Variants in RBM19 observed in about 807,000 individuals in gnomAD.
RBM19 encodes probable RNA-binding protein 19.
In RBM19, 94 loss-of-function variants were observed where a neutral mutation model predicts 116.8. That is an observed-to-expected ratio of 0.80 (90% CI 0.68 to 0.95). The LOEUF (loss-of-function observed/expected upper bound fraction) is 0.95, where lower values mean the gene tolerates loss of function less well. Ranked by LOEUF, RBM19 falls within the 40% of genes least tolerant of loss-of-function variation. The probability of loss-of-function intolerance (pLI) is 0.00; values close to 1 mark genes in which losing one functional copy is unlikely to be tolerated. For synonymous variants in RBM19, 475 were observed against 494.1 expected (o/e 0.96, Z 0.51); for missense variants, 1,161 against 1,220.7 (o/e 0.95, Z 0.73).
At chr12:113,923,689 C>T (rs530312255) in intron 18 of RBM19, among the ~76,000 whole-genome samples, 4 of 152,214 alleles carry the variant, frequency 2.6e-5, no homozygotes, top group African/African-American at 7.2e-5. Flanking sequence ...ACCTTGTTCC[C>T]GCCGCCTGGC....
chr12:113,827,037 GACACCCCGC>G (rs1177208051), intron 23 of RBM19, among the ~76,000 whole-genome samples: 1 of 152,180 alleles, frequency 6.6e-6, no homozygotes, highest in Non-Finnish European at 1.5e-5. Flanking sequence ...CCCACCGAAT[GACACCCCGC>G]ACCTCCCGCT....
intron 21 of RBM19, among the ~76,000 whole-genome samples, chr12:113,902,834 T>C (rs1472143697): frequency 6.6e-6 from 1 of 152,178 alleles, no homozygotes; most frequent in Non-Finnish European, 1.5e-5. Flanking sequence ...TTTGGCTATT[T>C]ATGCATAAAG....
chr12:113,828,010 T>C (rs929063329), intron 23 of RBM19, among the ~76,000 whole-genome samples: 3 of 151,754 alleles, frequency 2.0e-5, no homozygotes, highest in African/African-American at 7.3e-5. Flanking sequence ...CTTACTGCTG[T>C]TGATGGAATC....
intron 2 of RBM19, among the ~76,000 whole-genome samples, chr12:113,960,826 T>C (rs1170710538): frequency 6.6e-6 from 1 of 152,176 alleles, no homozygotes; most frequent in East Asian, 1.9e-4. Context: ...GGGTGACCAC[T>C]GGAGGGACGG....
At chr12:113,864,114 T>G (rs755882137) in intron 21 of RBM19, among the ~76,000 whole-genome samples, 68 of 152,282 alleles carry the variant, frequency 4.5e-4, no homozygotes, top group Non-Finnish European at 9.4e-4. Context: ...GCGAAGTGAC[T>G]TGCCCAAGGT....
At chr12:113,942,485 G>A in intron 13 of RBM19, 51 bp from the exon 14 acceptor site, 1 of 1,459,684 alleles carries the variant, frequency 6.9e-7, no homozygotes, top group Non-Finnish European at 9.3e-7. Flanking sequence ...CAGGTGACTT[G>A]CTGGCCCTCC....
chr12:113,883,313 G>T (rs1439295886), intron 21 of RBM19, among the ~76,000 whole-genome samples: 4 of 152,252 alleles, frequency 2.6e-5, no homozygotes, highest in Non-Finnish European at 5.9e-5. Flanking sequence ...AAGAAAGCAA[G>T]AAAGCAAGAG....
chr12:113,821,554 G>T (rs1050123527), downstream of RBM19, among the ~76,000 whole-genome samples: 41 of 152,152 alleles, frequency 2.7e-4, no homozygotes, highest in Non-Finnish European at 5.6e-4. Flanking sequence ...GTTTAACAGA[G>T]ACACTGTTCA....
rs374650090 is a variant in RBM19, at chr12:113,958,078, C to T, written c.572-28G>A. On this transcript the variant is annotated intron_variant, in intron 5 of 23. Coordinates refer to ENST00000261741, the MANE Select transcript of RBM19 (RefSeq NM_016196.4). ...GGAAAAACAGGGAAGCTGGGATCAGCGACAGCTATGAGCAAACCAGAGGTC... is the reference window on the plus strand; with the variant it reads ...GGAAAAACAGGGAAGCTGGGATCAGTGACAGCTATGAGCAAACCAGAGGTC... 1.3e-4 allele frequency: 200 copies of T among 1,589,868 alleles called. 3 individuals are homozygous for T. In the South Asian group the frequency reaches 1.8e-3, roughly 14 times the overall value.
chr12:113,894,549 GAAGTTTTGTGCCCCTT>G (rs1443053427), intron 21 of RBM19, among the ~76,000 whole-genome samples: 3 of 152,162 alleles, frequency 2.0e-5, no homozygotes, highest in African/African-American at 4.8e-5. Flanking sequence ...AGCTCTGATT[GAAGTTTTGTGCCCCTT>G]TATAAACATA....
At chr12:113,824,243 C>T (rs1158327681) in intron 23 of RBM19, among the ~76,000 whole-genome samples, 1 of 152,178 alleles carries the variant, frequency 6.6e-6, no homozygotes, top group Non-Finnish European at 1.5e-5. Context: ...TGAAGTCACT[C>T]AGCTAAGAAG....
At chr12:113,890,389 A>G (rs1336646798) in intron 21 of RBM19, among the ~76,000 whole-genome samples, 1 of 152,158 alleles carries the variant, frequency 6.6e-6, no homozygotes, top group African/African-American at 2.4e-5. Context: ...AATATTATTC[A>G]GCATCCTGCC....
intron 21 of RBM19, among the ~76,000 whole-genome samples, chr12:113,911,060 G>C (rs1176544876): frequency 2.6e-5 from 4 of 152,316 alleles, no homozygotes; most frequent in East Asian, 1.9e-4. Flanking sequence ...GCGGTGGGGG[G>C]GGTGGGAAGC....
At chr12:113,936,897 A>G (rs956911866) in intron 16 of RBM19, 110 bp downstream of exon 16, 4 of 1,424,668 alleles carry the variant, frequency 2.8e-6, no homozygotes, top group Non-Finnish European at 3.8e-6. Context: ...TCTAGCATGA[A>G]CAAAGAGCTT....
chr12:113,960,225 C>T lies in RBM19; in HGVS notation c.220-47G>A, dbSNP rs11066854. The T allele has an allele frequency of 2.7e-3, 4,407 of 1,611,294 alleles. 120 individuals are homozygous for T. In the African/African-American group the frequency reaches 0.051, roughly 19 times the overall value. ...TTTCACACCTGCCATGGCACCCAGGCGTTGGGTGCTGCCCTTCGGCACCTG... is the reference window on the plus strand; with the variant it reads ...TTTCACACCTGCCATGGCACCCAGGTGTTGGGTGCTGCCCTTCGGCACCTG... On this transcript the variant is annotated intron_variant, in intron 2 of 23. Coordinates refer to ENST00000261741, the MANE Select transcript of RBM19 (RefSeq NM_016196.4).
At chr12:113,939,456 C>T (rs1870349007) in intron 15 of RBM19, among the ~76,000 whole-genome samples, 1 of 152,184 alleles carries the variant, frequency 6.6e-6, no homozygotes, top group Admixed American at 6.5e-5. Flanking sequence ...TGGTTCAGAA[C>T]TCCCTTCTCC....
At chr12:113,929,557 G>A (rs921218834) in intron 16 of RBM19, among the ~76,000 whole-genome samples, 3 of 152,294 alleles carry the variant, frequency 2.0e-5, no homozygotes, top group Non-Finnish European at 4.4e-5. Context: ...TACCACTAAT[G>A]GTGAGAACGA....
chr12:113,931,234 A>G (rs1869570600), intron 16 of RBM19, among the ~76,000 whole-genome samples: 1 of 152,134 alleles, frequency 6.6e-6, no homozygotes, highest in South Asian at 2.1e-4. Context: ...TATACAGACC[A>G]CTGGCAAAGA....
intron 23 of RBM19, among the ~76,000 whole-genome samples, chr12:113,824,144 ACCATGGCT>A (rs776563044): frequency 3.5e-4 from 54 of 152,128 alleles, no homozygotes; most frequent in Non-Finnish European, 6.6e-4. Flanking sequence ...ACCATCATGA[ACCATGGCT>A]CCACTCCTGT....
Sources: allele counts gnomAD v4.1 joint callset (sites outside exome capture counted in the v4.1 genomes callset), GRCh38; gene constraint gnomAD v4.1.1; transcripts MANE v1.5; gene names NCBI Gene and HGNC (gene_info 2026-07-23, HGNC 2026-07-21).